EHD1: variants seen among roughly 807,000 people sequenced by gnomAD.
EHD1 encodes EH domain containing 1, also known as EH domain-containing protein 1.
In EHD1, 19 loss-of-function variants were observed where a neutral mutation model predicts 39.0. That is an observed-to-expected ratio of 0.49 (90% CI 0.34 to 0.72). The LOEUF is 0.72. Among genes scored for constraint, EHD1 ranks in the 30% least tolerant of loss-of-function variants. The pLI, the probability that EHD1 is intolerant of heterozygous loss-of-function variation, is 0.01. For synonymous variants in EHD1, 323 were observed against 331.2 expected, an observed-to-expected ratio of 0.98 and a Z score of 0.27; for missense variants, 542 against 751.5, an observed-to-expected ratio of 0.72 and a Z score of 3.26.
chr11:64,877,817 G>A (rs569387940), intron 1 of EHD1: 6 of 395,312 alleles, frequency 1.5e-5, no homozygotes, highest in Admixed American at 8.7e-5. Context: ...GGAGGGCTTG[G>A]TGGTTACCCT....
intron 1 of EHD1, 108 bp from the exon 2 acceptor site, chr11:64,874,626 C>T (rs1465621833): frequency 2.2e-6 from 2 of 889,800 alleles, no homozygotes; most frequent in South Asian, 2.1e-5. Flanking sequence ...GGCTTCCTCT[C>T]CAGCAGCGGG....
intron 3 of EHD1, among the ~76,000 whole-genome samples, chr11:64,859,111 G>A (rs58377394): frequency 3.9e-5 from 6 of 152,250 alleles, no homozygotes; most frequent in African/African-American, 1.2e-4. Context: ...GCTCCGAGAC[G>A]ACACAAATAA....
At chr11:64,873,156 G>C (rs549721748) in intron 2 of EHD1, among the ~76,000 whole-genome samples, 4 of 152,214 alleles carry the variant, frequency 2.6e-5, no homozygotes, top group African/African-American at 9.7e-5. Flanking sequence ...TCCTGAACCA[G>C]ATCTTCAAAA....
chr11:64,879,510 G>A, upstream of EHD1: 1 of 1,493,798 alleles, frequency 6.7e-7, no homozygotes, highest in Non-Finnish European at 9.1e-7. Flanking sequence ...AATCTTGTGG[G>A]AATTTAGGGG....
chr11:64,878,516 G>T lies in EHD1; in HGVS notation c.-52C>A, dbSNP rs1200875095. ...CGGGGCAGAGCGGCGGCTGAGAGCGGGGCGAGGGTGCGGAGCCGAGGCGGG... is the reference window on the plus strand; with the variant it reads ...CGGGGCAGAGCGGCGGCTGAGAGCGTGGCGAGGGTGCGGAGCCGAGGCGGG... On this transcript the variant is annotated 5_prime_UTR_variant, in exon 1 of 5. Transcript: ENST00000320631. 6.5e-7 allele frequency: 1 copy of T among 1,535,726 alleles called. No individual in the cohort carries two copies.
upstream of EHD1, chr11:64,879,461 C>T: frequency 7.8e-7 from 1 of 1,280,754 alleles, no homozygotes; most frequent in Non-Finnish European, 1.1e-6. Context: ...TCGGAAATTC[C>T]CTATGTGGGG....
chr11:64,854,081 CAAAG>C lies in EHD1; in HGVS notation c.*248_*251del, dbSNP rs1372976490. 7 of 658,568 alleles carry C rather than the reference CAAAG, an allele frequency of 1.1e-5. No homozygotes were observed. The highest frequency in any genetic ancestry group is 1.8e-5 in the African/African-American group (1 of 54,786). 40.8% of individuals were successfully genotyped at this position (658,568 alleles called of 1,614,324 possible). ...GGCTGGCACACAGGGGAGGCGGCGA[CAAAG>C]AACGCAGCCTCTAACGTTATATATT... On this transcript the variant is annotated 3_prime_UTR_variant, in exon 5 of 5. Transcript: ENST00000320631.
In EHD1 at chr11:64,860,167, G is replaced by T. The variant is rs377293606; in HGVS notation, c.672C>A (p.Ile224=). 4 of 1,614,018 alleles carry T rather than the reference G, an allele frequency of 2.5e-6. No individual in the cohort carries two copies. The highest frequency in any genetic ancestry group is 1.7e-5 in the Admixed American group (1 of 60,012). Residue 224 remains isoleucine (I), a synonymous_variant, in exon 3 of 5, where the codon ATC becomes ATA. Coordinates refer to ENST00000320631, the MANE Select transcript of EHD1 (RefSeq NM_006795.4). ...ACACCCGCATCAGCTGCTGCGTCTCGATCTGGTCTGCCTTGTTCAGCACCA... is the reference window on the plus strand; with the variant it reads ...ACACCCGCATCAGCTGCTGCGTCTCTATCTGGTCTGCCTTGTTCAGCACCA... ...IRVVLNKADQ[I]ETQQLMRVYG...
chr11:64,854,432 C>T lies in EHD1; in HGVS notation c.1506G>A (p.Ala502=), dbSNP rs374529326. 34 of 1,614,066 alleles carry T rather than the reference C, an allele frequency of 2.1e-5. No homozygotes were observed. The African/African-American group carries it at 3.9e-4, about 18-fold the overall frequency. ...KDGLLDDEEF[A]LANHLIKVKL... ...TGACCTTGATGAGGTGGTTGGCCAG[C>T]GCGAACTCCTCGTCGTCCAGCAGCC... Residue 502 remains alanine, a synonymous_variant, in exon 5 of 5, where the codon GCG becomes GCA. Coordinates refer to ENST00000320631, the MANE Select transcript of EHD1 (RefSeq NM_006795.4).
In EHD1 at chr11:64,862,501, C is replaced by T. The variant is rs561306705; in HGVS notation, c.503-2165G>A. On this transcript the variant is annotated intron_variant, in intron 2 of 4. Transcript: ENST00000320631. The stretch of plus-strand genomic sequence containing the variant: ...ATGGGAGGAGCTGGAGGAAGCACCT[C>T]GGGTTCAGAGATGAAAGCTGCATGT... 3.3e-5 allele frequency among the ~76,000 whole-genome samples: 5 copies of T among 152,322 alleles called. No individual in the cohort carries two copies. In the South Asian group the frequency reaches 1.0e-3, roughly 32 times the overall value.
In EHD1 at chr11:64,853,005, T is replaced by G. The variant is rs1355538835; in HGVS notation, c.*1328A>C. The G allele has an allele frequency of 6.6e-6, 1 of 152,234 alleles. No homozygotes were observed. The highest frequency in any genetic ancestry group is 1.9e-4 in the East Asian group (1 of 5,192). 9.4% of individuals were successfully genotyped at this position (152,234 alleles called of 1,614,324 possible). A position where few individuals can be genotyped will look rare whatever the true frequency, so the allele number is the denominator to read the frequency against. On this transcript the variant is annotated 3_prime_UTR_variant, in exon 5 of 5. Coordinates refer to ENST00000320631, the MANE Select transcript of EHD1 (RefSeq NM_006795.4). ...GTACCTGGTGCTCCACCTGCCTTGG[T>G]GCCATCACAGCCCGGACAGTGGCCA...
chr11:64,875,414 G>C (rs967165600), intron 1 of EHD1, among the ~76,000 whole-genome samples: 4 of 152,192 alleles, frequency 2.6e-5, no homozygotes, highest in African/African-American at 7.2e-5. Context: ...AGCTGGGCAT[G>C]GTGGCACGCG....
In EHD1 at chr11:64,864,119, T is replaced by G. The variant is rs1160037447; in HGVS notation, c.503-3783A>C. ...CCACAGGTGATGTGCGGCCGTTCCC[T>G]GCCCCAGCTCAACAGGAAATAGGGC... is the stretch of plus-strand genomic sequence containing the variant. On this transcript the variant is annotated intron_variant, in intron 2 of 4. Transcript: ENST00000320631. Among the ~76,000 whole-genome samples the G allele has an allele frequency of 5.9e-5, 9 of 152,362 alleles. No homozygotes were observed. The East Asian group carries it at 1.7e-3, about 29-fold the overall frequency.
chr11:64,878,186 G>A lies in EHD1; in HGVS notation c.279C>T (p.Thr93=). ...GCATGACGGCGATGAAGGAGTCGGT[G>A]GTGGGCTCGGGCCCGATGCGCATCC... is the stretch of plus-strand genomic sequence containing the variant. The part of the protein sequence containing the change: ...FPGMRIGPEP[T]TDSFIAVMHG... The change falls in exon 1 of 5, where the codon ACC becomes ACT. Residue 93 remains threonine, a synonymous_variant. Transcript: ENST00000320631. The A allele has an allele frequency of 6.2e-7, 1 of 1,606,176 alleles. No homozygotes were observed. The highest frequency in any genetic ancestry group is 1.7e-5 in the Admixed American group (1 of 59,768).
rs764799911 is a variant in EHD1 at position 64,855,533 on chromosome 11, C to A, written c.916-47G>T. 8.1e-6 allele frequency: 13 copies of A among 1,607,874 alleles called. No homozygotes were observed. The South Asian group carries it at 1.4e-4, about 18-fold the overall frequency. On this transcript the variant is annotated intron_variant, in intron 3 of 4. Coordinates refer to ENST00000320631, the MANE Select transcript of EHD1 (RefSeq NM_006795.4). ...CAGGCGCTCTCTTGGCCCAGGCTGC[C>A]CCCGAGAGCAGAGCCTCCAAGGACA...
intron 3 of EHD1, among the ~76,000 whole-genome samples, chr11:64,858,261 A>T (rs191129524): frequency 1.2e-3 from 178 of 150,686 alleles, no homozygotes; most frequent in African/African-American, 4.1e-3. Flanking sequence ...AGCTCACTGC[A>T]ACCTCTCCCT....
At chr11:64,877,892 G>T (rs1001277383) in intron 1 of EHD1, 169 bp downstream of exon 1, 1 of 619,268 alleles carries the variant, frequency 1.6e-6, no homozygotes, top group Admixed American at 3.8e-5. Flanking sequence ...CCCCCAGTGG[G>T]TTTACTCTGG....
intron 3 of EHD1, among the ~76,000 whole-genome samples, chr11:64,857,187 G>A (rs1232954431): frequency 6.6e-6 from 1 of 152,234 alleles, no homozygotes; most frequent in African/African-American, 2.4e-5. Flanking sequence ...CATTTTGGGA[G>A]GCCGAGGCAG....
chr11:64,867,913 C>T (rs957347351), intron 2 of EHD1, among the ~76,000 whole-genome samples: 2 of 152,226 alleles, frequency 1.3e-5, no homozygotes, highest in Admixed American at 6.5e-5. Context: ...CCTCTCATGG[C>T]GACCCGCGTC....
Sources: gnomAD v4.1 joint callset for allele counts (sites outside exome capture counted in the v4.1 genomes callset) on GRCh38, gnomAD v4.1.1 for gene constraint, MANE v1.5 for transcripts, NCBI Gene and HGNC (gene_info 2026-07-23, HGNC 2026-07-21) for gene names.